Variants in FRAS1 observed in about 807,000 individuals in gnomAD.
FRAS1 encodes the protein Fraser extracellular matrix complex subunit 1.
In FRAS1, 290 loss-of-function variants were observed where a neutral mutation model predicts 435.2. The observed-to-expected ratio is 0.67, with a 90% CI of 0.61 to 0.73. The LOEUF (loss-of-function observed/expected upper bound fraction) is 0.73, where lower values mean the gene tolerates loss of function less well. Among genes scored for constraint, FRAS1 ranks in the 30% least tolerant of loss-of-function variants. The probability of loss-of-function intolerance (pLI) is 0.00; values close to 1 mark genes in which losing one functional copy is unlikely to be tolerated. For synonymous variants in FRAS1, 1,800 were observed against 1,851.0 expected (o/e 0.97, Z 0.71); for missense variants, 4,860 against 5,001.5 (o/e 0.97, Z 0.85).
chr4:78,133,965 T>G (rs950752724), intron 2 of FRAS1, among the ~76,000 whole-genome samples: 5 of 105,564 alleles, frequency 4.7e-5, no homozygotes, highest in Non-Finnish European at 6.7e-5. Context: ...TTTTTTTTTT[T>G]GTTTTTTTTT....
At chr4:78,535,360 A>T (rs564104408) in intron 71 of FRAS1, among the ~76,000 whole-genome samples, 23 of 152,286 alleles carry the variant, frequency 1.5e-4, no homozygotes, top group Admixed American at 5.2e-4. Context: ...ATTTGACCTC[A>T]TCCTGGATCT....
At chr4:78,436,435 T>G (rs557283731) in intron 38 of FRAS1, among the ~76,000 whole-genome samples, 1 of 152,328 alleles carries the variant, frequency 6.6e-6, no homozygotes, top group South Asian at 2.1e-4. Flanking sequence ...AGATGAATAT[T>G]CATATACCCT....
At chr4:78,456,895 T>C (rs1719219106) in intron 47 of FRAS1, among the ~76,000 whole-genome samples, 1 of 152,282 alleles carries the variant, frequency 6.6e-6, no homozygotes, top group Non-Finnish European at 1.5e-5. Flanking sequence ...GTAGAGCATA[T>C]TGAAATCAGC....
chr4:78,296,703 C>T (rs1728161336), intron 14 of FRAS1, among the ~76,000 whole-genome samples: 1 of 152,172 alleles, frequency 6.6e-6, no homozygotes, highest in South Asian at 2.1e-4. Flanking sequence ...TGTAATTCTT[C>T]CCTTCCCTTC....
chr4:78,489,977 A>AAAAAAAG (rs1311055578), intron 59 of FRAS1, among the ~76,000 whole-genome samples: 16 of 150,454 alleles, frequency 1.1e-4, no homozygotes, highest in African/African-American at 3.9e-4. Flanking sequence ...ACAAAAAAAA[A>AAAAAAAG]AAAAAAAAAA....
chr4:78,438,821 C>G (rs759412151), intron 39 of FRAS1, 81 bp from the exon 40 acceptor site: 61 of 1,498,828 alleles, frequency 4.1e-5, no homozygotes, highest in Admixed American at 2.0e-4. Context: ...TGGTTTGGCC[C>G]CATTTTTAAA....
At chr4:78,333,810 C>CAG (rs139180200) in intron 19 of FRAS1, among the ~76,000 whole-genome samples, 2 of 151,554 alleles carry the variant, frequency 1.3e-5, no homozygotes, top group Non-Finnish European at 2.9e-5. Flanking sequence ...GAGAGAGAGA[C>CAG]AGAGAGAGAG....
rs558627421 is a variant in FRAS1, at chr4:78,482,560, G to A, written c.8752+25G>A. 2.5e-6 allele frequency: 4 copies of A among 1,606,580 alleles called. No individual in the cohort carries two copies. In the African/African-American group the frequency reaches 5.4e-5, roughly 22 times the overall value. On this transcript the variant is annotated intron_variant, in intron 58 of 73. Coordinates refer to ENST00000512123, the MANE Select transcript of FRAS1 (RefSeq NM_025074.7). The stretch of plus-strand genomic sequence containing the variant: ...GGTAAGAGATTGGGGATGCCAGCTG[G>A]TAGGTCCAAATATATTTCTATTTTT...
chr4:78,515,877 C>A lies in FRAS1; in HGVS notation c.10253C>A (p.Pro3418His). 1 of 1,614,004 alleles carries A rather than the reference C, an allele frequency of 6.2e-7. No homozygotes were observed. The highest frequency in any genetic ancestry group is 8.5e-7 in the Non-Finnish European group (1 of 1,179,894). The change falls in exon 66 of 74, where the codon CCC becomes CAC. Residue 3418 changes from proline (P) to histidine (H), a missense_variant. Transcript: ENST00000512123. ...PGYDRPFQFD[P>H]SVREPKTIQL... Reference sequence around the variant, plus strand: ...TACGATCGCCCCTTCCAGTTTGACCCCAGCGTGCGAGAGCCGAAGACCATC... The same window carrying A: ...TACGATCGCCCCTTCCAGTTTGACCACAGCGTGCGAGAGCCGAAGACCATC...
intron 29 of FRAS1, among the ~76,000 whole-genome samples, chr4:78,388,344 A>AC (rs1381154786): frequency 1.3e-5 from 2 of 151,990 alleles, no homozygotes; most frequent in African/African-American, 4.8e-5. Context: ...AAAAAAAAAA[A>AC]AACAAAAAAA....
chr4:78,161,242 A>G (rs1251912660), intron 2 of FRAS1, among the ~76,000 whole-genome samples: 1 of 152,180 alleles, frequency 6.6e-6, no homozygotes, highest in African/African-American at 2.4e-5. Flanking sequence ...GAGAATTTAT[A>G]TTTTTCAGAT....
Position 78,333,384 on chromosome 4 carries a change from C to T in FRAS1, c.2250C>T (p.Gly750=). The T allele has an allele frequency of 1.9e-6, 3 of 1,611,786 alleles. No homozygotes were observed. Among genetic ancestry groups the T allele is most frequent in the Non-Finnish European group, 2.5e-6 (3 of 1,179,010 alleles). The part of the protein sequence containing the change: ...DGQCLSQCPD[G]YFHQEGSCTE... Reference sequence around the variant, plus strand: ...AGTGCCTCTCCCAGTGCCCAGATGGCTACTTTCACCAGGAAGGTAGTTGCA... The same window carrying T: ...AGTGCCTCTCCCAGTGCCCAGATGGTTACTTTCACCAGGAAGGTAGTTGCA... The change falls in exon 19 of 74, where the codon GGC becomes GGT. Residue 750 remains glycine (G), a synonymous_variant. Coordinates refer to ENST00000512123, the MANE Select transcript of FRAS1 (RefSeq NM_025074.7).
At chr4:78,524,455 A>T (rs962362900) in intron 69 of FRAS1, among the ~76,000 whole-genome samples, 3 of 152,180 alleles carry the variant, frequency 2.0e-5, no homozygotes, top group Non-Finnish European at 4.4e-5. Flanking sequence ...GAGGTGAGAC[A>T]ACTTATGGTC....
chr4:78,449,552 G>C (rs1450032175), intron 44 of FRAS1, among the ~76,000 whole-genome samples: 1 of 152,124 alleles, frequency 6.6e-6, no homozygotes, highest in Non-Finnish European at 1.5e-5. Flanking sequence ...GGGTAATAAA[G>C]CAAGTGACAA....
chr4:78,331,219 A>G (rs1729935695), intron 18 of FRAS1, among the ~76,000 whole-genome samples: 1 of 152,228 alleles, frequency 6.6e-6, no homozygotes, highest in South Asian at 2.1e-4. Flanking sequence ...ATCATATAGT[A>G]AAAAATACTC....
At chr4:78,380,044 CT>C in intron 27 of FRAS1, 48 bp downstream of exon 27, 1 of 1,588,862 alleles carries the variant, frequency 6.3e-7, no homozygotes. Flanking sequence ...TCCATCATTG[CT>C]TTTCCACTCC....
At chr4:78,476,695 G>T (rs1296736655) in intron 54 of FRAS1, among the ~76,000 whole-genome samples, 1 of 152,154 alleles carries the variant, frequency 6.6e-6, no homozygotes, top group African/African-American at 2.4e-5. Context: ...AAGACTGTCA[G>T]TGTATTCTAG....
chr4:78,515,663 G>A (rs1032641058), intron 65 of FRAS1, 136 bp from the exon 66 acceptor site: 1 of 712,472 alleles, frequency 1.4e-6, no homozygotes, highest in Non-Finnish European at 2.4e-6. Flanking sequence ...CACATTGGGA[G>A]CCCTGGGTTG....
chr4:78,166,616 GT>G (rs1721340485), intron 2 of FRAS1, among the ~76,000 whole-genome samples: 1 of 152,110 alleles, frequency 6.6e-6, no homozygotes, highest in African/African-American at 2.4e-5. Context: ...AGAATGTTTA[GT>G]TTTCTCAAGA....
Sources: allele counts gnomAD v4.1 joint callset (sites outside exome capture counted in the v4.1 genomes callset), GRCh38; gene constraint gnomAD v4.1.1; transcripts MANE v1.5; gene names NCBI Gene and HGNC (gene_info 2026-07-23, HGNC 2026-07-21).